The following CCDC82 variants were observed in gnomAD, a reference collection of about 807,000 sequenced individuals.
The protein encoded by CCDC82 is coiled-coil domain containing 82.
Under a neutral mutation model 60.6 loss-of-function variants are expected in CCDC82, and 47 were observed. The ratio of observed to expected loss-of-function variants is 0.77; its 90% CI spans 0.61 to 0.99. CCDC82 has a LOEUF of 0.99. Ranked by LOEUF, CCDC82 falls within the 50% of genes least tolerant of loss-of-function variation. CCDC82 has a pLI of 0.00. For missense variants in CCDC82, 588 were observed against 633.0 expected (o/e 0.93, Z 0.76); for synonymous variants, 212 against 207.4 (o/e 1.02, Z -0.19).
chr11:96,370,824 T>C (rs1482840136), intron 7 of CCDC82, among the ~76,000 whole-genome samples, 189 bp downstream of exon 7: 1 of 152,200 alleles, frequency 6.6e-6, no homozygotes, highest in Non-Finnish European at 1.5e-5. Flanking sequence ...ACCACTTAAT[T>C]ATTGGATAGA....
intron 3 of CCDC82, 170 bp downstream of exon 3, chr11:96,386,084 C>T (rs1432122785): frequency 6.6e-6 from 1 of 152,150 alleles, no homozygotes; most frequent in African/African-American, 2.4e-5. Flanking sequence ...ACACCCACTT[C>T]ATTCACTTGT....
intron 7 of CCDC82, among the ~76,000 whole-genome samples, chr11:96,369,022 G>A (rs774596135): frequency 1.7e-4 from 26 of 152,184 alleles, no homozygotes; most frequent in Non-Finnish European, 7.3e-5. Flanking sequence ...GCACTTTTAC[G>A]TTATGGAGAT....
chr11:96,363,933 G>A (rs1362232461), intron 8 of CCDC82: 2 of 151,884 alleles, frequency 1.3e-5, no homozygotes, highest in Non-Finnish European at 2.9e-5. Context: ...GATGTTCTTT[G>A]CTTTTAGTTC....
At chr11:96,368,939 C>A (rs1488970925) in intron 7 of CCDC82, among the ~76,000 whole-genome samples, 2 of 151,654 alleles carry the variant, frequency 1.3e-5, no homozygotes, top group African/African-American at 4.8e-5. Flanking sequence ...TGTTTACTTT[C>A]ATCAGTTATC....
intron 9 of CCDC82, chr11:96,358,660 C>A (rs1015411479): frequency 1.4e-5 from 17 of 1,223,102 alleles, no homozygotes; most frequent in East Asian, 3.2e-5. Flanking sequence ...GAGTCCTATA[C>A]TCTGTCAAAA....
intron 9 of CCDC82, chr11:96,358,668 A>G: frequency 2.2e-6 from 1 of 451,172 alleles, no homozygotes; most frequent in Non-Finnish European, 2.7e-6. Flanking sequence ...TACTCTGTCA[A>G]AAAAAAAAAA....
chr11:96,374,620 G>A (rs1865470768), intron 5 of CCDC82, among the ~76,000 whole-genome samples: 1 of 152,048 alleles, frequency 6.6e-6, no homozygotes, highest in African/African-American at 2.4e-5. Flanking sequence ...AATCAGTACG[G>A]CATAATTGAA....
chr11:96,375,252 C>A (rs1865505436), intron 5 of CCDC82, among the ~76,000 whole-genome samples: 1 of 152,066 alleles, frequency 6.6e-6, no homozygotes, highest in Non-Finnish European at 1.5e-5. Flanking sequence ...TCTTGAATGT[C>A]CTTATGCCCA....
intron 4 of CCDC82, among the ~76,000 whole-genome samples, 183 bp downstream of exon 4, chr11:96,383,779 G>A (rs1866011035): frequency 6.6e-6 from 1 of 151,796 alleles, no homozygotes; most frequent in African/African-American, 2.4e-5. Flanking sequence ...GATGGACTGA[G>A]GCTCATGATA....
At position 96,383,451 on chromosome 11, in the gene CCDC82, G is replaced by A. The variant is rs779817861; in HGVS notation, c.809C>T (p.Pro270Leu). ...CTCCTCATCAACTTCATCACTGCTT[G>A]GGCAAGATTCCTTTTCAGAGTCCTA... ...DFEDSEKESC[P>L]SSDEVDEEEE... is the part of the protein sequence containing the mutation. Residue 270 changes from proline to leucine, a missense_variant, in exon 5 of 10, where the codon CCA becomes CTA. By Grantham distance (98) the Pro-to-Leu change is moderately conservative. Transcript: ENST00000646818. 3.7e-6 allele frequency: 6 copies of A among 1,602,206 alleles called. No individual in the cohort carries two copies. The highest frequency in any genetic ancestry group is 5.1e-6 in the Non-Finnish European group (6 of 1,174,756).
chr11:96,358,666 CAAAAAA>C, intron 9 of CCDC82: 1 of 1,084,678 alleles, frequency 9.2e-7, no homozygotes, highest in Non-Finnish European at 1.2e-6. Context: ...TATACTCTGT[CAAAAAA>C]AAAAAAAAAA....
intron 4 of CCDC82, 30 bp downstream of exon 4, chr11:96,383,932 C>A: frequency 6.5e-7 from 1 of 1,549,528 alleles, no homozygotes. Flanking sequence ...AACTGAAAAA[C>A]AATAACAAAT....
At chr11:96,384,950 T>C (rs1866108135) in intron 3 of CCDC82, 189 bp from the exon 4 acceptor site, 1 of 486,284 alleles carries the variant, frequency 2.1e-6, no homozygotes, top group East Asian at 3.3e-5. Flanking sequence ...ATGAAATAAT[T>C]ATATGAACAT....
intron 7 of CCDC82, among the ~76,000 whole-genome samples, chr11:96,370,557 CAG>C (rs1565310284): frequency 2.0e-5 from 3 of 152,144 alleles, no homozygotes; most frequent in Admixed American, 6.5e-5. Flanking sequence ...TTTACATAAA[CAG>C]AGCTTCACAG....
In CCDC82 at chr11:96,359,108, T is replaced by C. The variant is rs776159948; in HGVS notation, c.1451A>G (p.Lys484Arg). ...AATGGTGCAACATTCCTGGTATAGT[T>C]TGAATTTAAAATGTTTCAGTTTATG... ...IYHKLKHFKF[K>R]LYQECCTIAM... The change falls in exon 9 of 10, where the codon AAA becomes AGA. Residue 484 changes from lysine to arginine, a missense_variant. By Grantham distance (26) the Lys-to-Arg change is conservative. Coordinates refer to ENST00000646818, the MANE Select transcript of CCDC82 (RefSeq NM_024725.4). The C allele has an allele frequency of 4.4e-6, 7 of 1,604,520 alleles. No individual in the cohort carries two copies. Among genetic ancestry groups the C allele is most frequent in the Admixed American group, 1.7e-5 (1 of 57,378 alleles).
At chr11:96,383,707 T>C (rs932869406) in intron 4 of CCDC82, among the ~76,000 whole-genome samples, 3 of 151,908 alleles carry the variant, frequency 2.0e-5, no homozygotes, top group African/African-American at 7.2e-5. Context: ...ATTAGAATTA[T>C]AAGAAGTTAA....
chr11:96,374,221 G>A (rs1687025570), intron 5 of CCDC82, among the ~76,000 whole-genome samples: 1 of 152,214 alleles, frequency 6.6e-6, no homozygotes, highest in African/African-American at 2.4e-5. Context: ...CACCTGTGAA[G>A]ACATATTAAG....
chr11:96,384,951 A>G (rs1866108294), intron 3 of CCDC82, 190 bp from the exon 4 acceptor site: 1 of 487,190 alleles, frequency 2.1e-6, no homozygotes, highest in Non-Finnish European at 3.6e-6. Context: ...TGAAATAATT[A>G]TATGAACATC....
intron 5 of CCDC82, among the ~76,000 whole-genome samples, chr11:96,376,137 A>G (rs533917327): frequency 1.3e-5 from 2 of 152,204 alleles, no homozygotes; most frequent in Non-Finnish European, 2.9e-5. Context: ...CTTATAGCCA[A>G]TCATTTGGTA....
Sources: allele counts gnomAD v4.1 joint callset (sites outside exome capture counted in the v4.1 genomes callset), GRCh38; gene constraint gnomAD v4.1.1; transcripts MANE v1.5; gene names NCBI Gene and HGNC (gene_info 2026-07-23, HGNC 2026-07-21).